VCAN: variants seen among roughly 807,000 people sequenced by gnomAD.
VCAN encodes versican core protein.
VCAN carries 44 observed loss-of-function variants against 245.5 expected under a neutral mutation model. That is an observed-to-expected ratio of 0.18 (90% confidence interval 0.14 to 0.23). The LOEUF (loss-of-function observed/expected upper bound fraction) is 0.23, where lower values mean the gene tolerates loss of function less well. Among genes scored for constraint, VCAN ranks in the 10% least tolerant of loss-of-function variants. The pLI is 1.00. For missense variants in VCAN, 3,793 were observed against 4,057.9 expected (o/e 0.93, Z 1.77); for synonymous variants, 1,413 against 1,437.0 (o/e 0.98, Z 0.38).
intron 2 of VCAN, among the ~76,000 whole-genome samples, chr5:83,489,854 G>C (rs773906042): frequency 1.3e-5 from 2 of 150,132 alleles, no homozygotes; most frequent in Admixed American, 6.6e-5. Flanking sequence ...TAAACACTAA[G>C]TTAAAAAATT....
rs1554040538 is a variant in VCAN, at chr5:83,537,690, G to A, written c.4687G>A (p.Ala1563Thr). The A allele has an allele frequency of 1.2e-6, 2 of 1,613,906 alleles. No homozygotes were observed. Among genetic ancestry groups the A allele is most frequent in the Non-Finnish European group, 1.7e-6 (2 of 1,179,930 alleles). The change falls in exon 8 of 15, where the codon GCA becomes ACA. Residue 1563 changes from alanine to threonine, a missense_variant. By Grantham distance (58) the Ala-to-Thr change is moderately conservative. Around this residue, in one of 5 missense-constraint regions of VCAN, gnomAD observed 3,182 missense variants for 3,250.3 expected, o/e 0.98. Coordinates refer to ENST00000265077, the MANE Select transcript of VCAN (RefSeq NM_004385.5). ...CCAAGAATCTCAGAAAATAGCCTTT[G>A]CAAGGGCTACAGAAGTAACATTTGG... ...IDQESQKIAF[A>T]RATEVTFGEE...
rs200962682 is a variant in VCAN at position 83,540,160 on chromosome 5, C to A, written c.7157C>A (p.Ser2386Tyr). The A allele has an allele frequency of 6.2e-7, 1 of 1,613,998 alleles. No homozygotes were observed. The highest frequency in any genetic ancestry group is 1.7e-5 in the Admixed American group (1 of 59,952). ...TITEQDSNKN[S>Y]STAEINETTT... Reference sequence around the variant, plus strand: ...ACTGAACAAGACTCTAACAAGAATTCTTCAACAGCAGAAATTAACGAAACA... The same window carrying A: ...ACTGAACAAGACTCTAACAAGAATTATTCAACAGCAGAAATTAACGAAACA... The change falls in exon 8 of 15, where the codon TCT becomes TAT. Residue 2386 changes from serine (S) to tyrosine (Y), a missense_variant. Around this residue, in one of 5 missense-constraint regions of VCAN, gnomAD observed 3,182 missense variants for 3,250.3 expected, o/e 0.98. Transcript: ENST00000265077.
In VCAN at chr5:83,520,746, C is replaced by A; in HGVS notation, c.2440C>A (p.Pro814Thr). 6.2e-7 allele frequency: 1 copy of A among 1,614,088 alleles called. No individual in the cohort carries two copies. Among genetic ancestry groups the A allele is most frequent in the Middle Eastern group, 1.6e-4 (1 of 6,062 alleles). ...GGATGAAGATAATACAACATCCAAG[C>A]CTTTAGAGTCTACAGAACCTTCAGC... ...SWDEDNTTSK[P>T]LESTEPSASS... The change falls in exon 7 of 15, where the codon CCT becomes ACT. Residue 814 changes from proline to threonine, a missense_variant. Around this residue, in one of 5 missense-constraint regions of VCAN, gnomAD observed 3,182 missense variants for 3,250.3 expected, o/e 0.98. Coordinates refer to ENST00000265077, the MANE Select transcript of VCAN (RefSeq NM_004385.5).
chr5:83,554,898 A>G lies in VCAN; in HGVS notation c.9653-58A>G, dbSNP rs1462707214. ...TGCTGAAAATAATTTTCTTTGATAT[A>G]TTTTCATCCATATATGGAAAAGTAG... is the stretch of plus-strand genomic sequence containing the variant. On this transcript the variant is annotated intron_variant, in intron 11 of 14. Transcript: ENST00000265077. 3 of 1,501,022 alleles carry G rather than the reference A, an allele frequency of 2.0e-6. No homozygotes were observed. In the African/African-American group the frequency reaches 4.1e-5, roughly 21 times the overall value. The allele number at this position is 1,501,022 out of a possible 1,614,324, so 93.0% of individuals were successfully genotyped here.
At chr5:83,480,544 A>G (rs1217534596) in intron 1 of VCAN, among the ~76,000 whole-genome samples, 2 of 152,360 alleles carry the variant, frequency 1.3e-5, no homozygotes, top group East Asian at 1.9e-4. Context: ...GTGTTTCTGC[A>G]TAAGAAATAG....
intron 5 of VCAN, among the ~76,000 whole-genome samples, chr5:83,499,045 C>G (rs1745252696): frequency 1.3e-5 from 2 of 152,146 alleles, no homozygotes; most frequent in Non-Finnish European, 2.9e-5. Flanking sequence ...CTTGCTCCTG[C>G]TTGCAAGTCT....
At chr5:83,547,208 G>A (rs1417161518) in intron 9 of VCAN, among the ~76,000 whole-genome samples, 1 of 152,160 alleles carries the variant, frequency 6.6e-6, no homozygotes, top group East Asian at 1.9e-4. Context: ...CCTGAGTTCA[G>A]GATACTGAAT....
intron 13 of VCAN, among the ~76,000 whole-genome samples, chr5:83,576,642 CCAAATT>C (rs963641097): frequency 1.6e-4 from 25 of 152,002 alleles, no homozygotes; most frequent in African/African-American, 6.0e-4. Context: ...CTTTAAAAAG[CCAAATT>C]TTTTTCCAAA....
At chr5:83,476,334 T>C (rs924601820) in intron 1 of VCAN, among the ~76,000 whole-genome samples, 1 of 152,208 alleles carries the variant, frequency 6.6e-6, no homozygotes, top group Non-Finnish European at 1.5e-5. Flanking sequence ...AATGGGATAT[T>C]GCCCTGTGAT....
chr5:83,505,014 T>C (rs902938601), intron 5 of VCAN, among the ~76,000 whole-genome samples: 5 of 152,084 alleles, frequency 3.3e-5, no homozygotes, highest in Admixed American at 2.6e-4. Flanking sequence ...GAGAATAGCA[T>C]GGGGAAGACC....
rs1227890258 is a variant in VCAN at position 83,509,413 on chromosome 5, C to G, written c.749-2690C>G. On this transcript the variant is annotated intron_variant, in intron 5 of 14. Coordinates refer to ENST00000265077, the MANE Select transcript of VCAN (RefSeq NM_004385.5). ...TTGCTGTTTAAAATAGGGAAACCAGCTACCCATGAAATCATGCTGCCATTT... is the reference window on the plus strand; with the variant it reads ...TTGCTGTTTAAAATAGGGAAACCAGGTACCCATGAAATCATGCTGCCATTT... Among the ~76,000 whole-genome samples, 3 of 152,330 alleles carry G rather than the reference C, an allele frequency of 2.0e-5. No individual in the cohort carries two copies. In the East Asian group the frequency reaches 5.8e-4, roughly 29 times the overall value.
At chr5:83,484,689 G>A (rs1355965944) in intron 2 of VCAN, among the ~76,000 whole-genome samples, 4 of 152,210 alleles carry the variant, frequency 2.6e-5, no homozygotes, top group Admixed American at 1.3e-4. Flanking sequence ...CTGGCCTATC[G>A]TTCTTTAAAC....
chr5:83,519,279 TA>T, intron 6 of VCAN, 69 bp from the exon 7 acceptor site: 8 of 1,546,876 alleles, frequency 5.2e-6, no homozygotes, highest in Non-Finnish European at 6.2e-6. Context: ...CAGGAGCACT[TA>T]ACAAACACTG....
chr5:83,535,755 A>C (rs575887574), intron 7 of VCAN: 8 of 152,140 alleles, frequency 5.3e-5, no homozygotes, highest in Admixed American at 4.6e-4. Flanking sequence ...CTCCGTCATA[A>C]TGATTTCTCC....
chr5:83,480,418 T>C (rs1466267055), intron 1 of VCAN, among the ~76,000 whole-genome samples: 2 of 152,200 alleles, frequency 1.3e-5, no homozygotes, highest in Admixed American at 6.5e-5. Flanking sequence ...GATTTGACTC[T>C]CTAGATATTG....
intron 12 of VCAN, among the ~76,000 whole-genome samples, chr5:83,569,051 ATAT>A (rs1748187035): frequency 6.6e-6 from 1 of 152,194 alleles, no homozygotes; most frequent in South Asian, 2.1e-4. Context: ...TTAAATGGTG[ATAT>A]AATATTCTAT....
At chr5:83,545,747 C>T (rs1023421437) in intron 9 of VCAN, 97 bp downstream of exon 9, 29 of 998,224 alleles carry the variant, frequency 2.9e-5, no homozygotes, top group Non-Finnish European at 4.2e-5. Flanking sequence ...TTCAAAGAAA[C>T]CCATATGAAG....
At chr5:83,516,036 T>C (rs989168683) in intron 6 of VCAN, among the ~76,000 whole-genome samples, 4 of 152,092 alleles carry the variant, frequency 2.6e-5, no homozygotes, top group Admixed American at 2.6e-4. Flanking sequence ...ATCGAGACCA[T>C]CCTGGCTAAC....
In VCAN at chr5:83,520,161, A is replaced by G. The variant is rs112532091; in HGVS notation, c.1855A>G (p.Met619Val). The G allele has an allele frequency of 3.1e-6, 5 of 1,614,076 alleles. No homozygotes were observed. The highest frequency in any genetic ancestry group is 1.3e-5 in the African/African-American group (1 of 75,052). Residue 619 changes from methionine to valine, a missense_variant, in exon 7 of 15, where the codon ATG (methionine) becomes GTG (valine). By Grantham distance (21) the Met-to-Val change is conservative. Coordinates refer to ENST00000265077, the MANE Select transcript of VCAN (RefSeq NM_004385.5). ...LIMPDNNGSS[M>V]DDWEERQTSG... Reference sequence around the variant, plus strand: ...TATGCCTGATAATAATGGATCATCCATGGATGACTGGGAAGAGAGACAAAC... The same window carrying G: ...TATGCCTGATAATAATGGATCATCCGTGGATGACTGGGAAGAGAGACAAAC...
Sources: gnomAD v4.1 joint callset for allele counts (sites outside exome capture counted in the v4.1 genomes callset) on GRCh38, gnomAD v4.1.1 for gene constraint, gnomAD v4.1.1 regional missense constraint, MANE v1.5 for transcripts, NCBI Gene and HGNC (gene_info 2026-07-23, HGNC 2026-07-21) for gene names.